DRC9: variants seen among roughly 807,000 people sequenced by gnomAD.
The protein encoded by DRC9 is dynein regulatory complex protein 9.
At chr3:197,912,737 T>G in the DRC9 span, 2 of 1,613,824 alleles carry the variant, frequency 1.2e-6, no homozygotes. Context: ...TCTTCGGTTT[T>G]CATCCTGAGT....
the DRC9 span, among the ~76,000 whole-genome samples, chr3:197,943,026 A>G: frequency 6.6e-6 from 1 of 152,220 alleles, no homozygotes; most frequent in African/African-American, 2.4e-5. Context: ...AATGTACAAG[A>G]GCTTAAAAAT....
chr3:197,899,701 G>A, the DRC9 span, among the ~76,000 whole-genome samples: 7 of 152,226 alleles, frequency 4.6e-5, no homozygotes, highest in African/African-American at 1.7e-4. Flanking sequence ...AGCAGAGGCT[G>A]TGCAGAGTGA....
chr3:197,934,900 G>A, the DRC9 span, among the ~76,000 whole-genome samples: 3 of 151,510 alleles, frequency 2.0e-5, no homozygotes, highest in Non-Finnish European at 2.9e-5. Context: ...TGGGAGGGTC[G>A]TTTGAGGCTG....
the DRC9 span, chr3:197,957,741 A>G: frequency 6.6e-6 from 1 of 152,312 alleles, no homozygotes; most frequent in South Asian, 2.1e-4. Flanking sequence ...TTGGACACCC[A>G]CTCCAAAAGG....
the DRC9 span, among the ~76,000 whole-genome samples, chr3:197,934,348 C>A: frequency 6.6e-6 from 1 of 152,006 alleles, no homozygotes. Context: ...CCACACCCAG[C>A]TAACTTCTGT....
the DRC9 span, among the ~76,000 whole-genome samples, chr3:197,932,955 T>C: frequency 1.8e-5 from 2 of 109,554 alleles, no homozygotes; most frequent in Non-Finnish European, 3.3e-5. Flanking sequence ...ATATATTATA[T>C]ATTATTATAT....
chr3:197,944,027 A>C, the DRC9 span: 3 of 1,614,050 alleles, frequency 1.9e-6, no homozygotes, highest in Non-Finnish European at 2.5e-6. Flanking sequence ...CTTTTGGAGG[A>C]AGGTTTGAGT....
chr3:197,956,962 C>G, the DRC9 span: 1 of 152,172 alleles, frequency 6.6e-6, no homozygotes, highest in South Asian at 2.1e-4. Context: ...AAAATGTCAA[C>G]AAGAAACTGG....
chr3:197,896,413 C>T, the DRC9 span, among the ~76,000 whole-genome samples: 3 of 151,602 alleles, frequency 2.0e-5, no homozygotes, highest in Non-Finnish European at 4.4e-5. Flanking sequence ...ATGCAAATAA[C>T]TAGAGTTTGG....
chr3:197,949,897 A>G, the DRC9 span: 3 of 397,206 alleles, frequency 7.6e-6, no homozygotes, highest in Non-Finnish European at 1.3e-5. Context: ...CTTTCCACCT[A>G]CGGCGTCCGG....
At chr3:197,904,104 ATATATAT>A in the DRC9 span, among the ~76,000 whole-genome samples, 327 of 49,104 alleles carry the variant, frequency 6.7e-3, 5 homozygotes, top group African/African-American at 0.021. Flanking sequence ...ATATATATAT[ATATATAT>A]TTTTTTTTTT....
At chr3:197,930,289 C>T in the DRC9 span, among the ~76,000 whole-genome samples, 3 of 151,630 alleles carry the variant, frequency 2.0e-5, no homozygotes, top group Admixed American at 6.6e-5. Flanking sequence ...TCGAGGCTGC[C>T]ATGAGCCAAG....
the DRC9 span, among the ~76,000 whole-genome samples, chr3:197,910,797 C>T: frequency 6.6e-5 from 10 of 151,998 alleles, no homozygotes; most frequent in African/African-American, 2.2e-4. Context: ...CTGGTCAACA[C>T]AGTGAAACCC....
the DRC9 span, chr3:197,955,696 T>C: frequency 7.0e-7 from 1 of 1,425,298 alleles, no homozygotes; most frequent in Admixed American, 1.7e-5. Flanking sequence ...GTTCTTGATT[T>C]GTAGACGTAT....
chr3:197,896,825 G>C, the DRC9 span, among the ~76,000 whole-genome samples: 1 of 152,122 alleles, frequency 6.6e-6, no homozygotes, highest in East Asian at 1.9e-4. Context: ...TCAACATATG[G>C]ATTTGGGTGA....
chr3:197,890,240 CAAAAAAGA>C, the DRC9 span, among the ~76,000 whole-genome samples: 1 of 151,390 alleles, frequency 6.6e-6, no homozygotes, highest in Admixed American at 6.6e-5. Context: ...TACAAAAATA[CAAAAAAGA>C]AAAAAAATTA....
At chr3:197,943,988 CACTG>C in the DRC9 span, 3 of 1,614,122 alleles carry the variant, frequency 1.9e-6, no homozygotes, top group South Asian at 3.3e-5. Context: ...GTTCGCCTGT[CACTG>C]ACACCGTCAT....
the DRC9 span, chr3:197,891,694 G>T: frequency 2.3e-6 from 1 of 440,288 alleles, no homozygotes; most frequent in Non-Finnish European, 4.0e-6. Context: ...TAGATTCCTA[G>T]ATGGTAAATA....
chr3:197,932,816 A>G, the DRC9 span, among the ~76,000 whole-genome samples: 7 of 131,844 alleles, frequency 5.3e-5, no homozygotes, highest in African/African-American at 9.2e-5. Context: ...TATATGTATT[A>G]TATATATATG....
Sources: allele counts gnomAD v4.1 joint callset (sites outside exome capture counted in the v4.1 genomes callset), GRCh38; gene constraint gnomAD v4.1.1; transcripts MANE v1.5; gene names NCBI Gene and HGNC (gene_info 2026-07-23, HGNC 2026-07-21).